SCN3A: variants seen among roughly 807,000 people sequenced by gnomAD.
The protein encoded by SCN3A is sodium voltage-gated channel alpha subunit 3.
SCN3A carries 60 observed loss-of-function variants against 187.6 expected under a neutral mutation model. That is an observed-to-expected ratio of 0.32 (90% CI 0.26 to 0.40). SCN3A has a LOEUF of 0.40. Among genes scored for constraint, SCN3A ranks in the 10% least tolerant of loss-of-function variants. The pLI is 1.00. For synonymous variants in SCN3A, 788 were observed against 829.2 expected, an observed-to-expected ratio of 0.95 and a Z score of 0.85; for missense variants, 1,601 against 2,428.2, an observed-to-expected ratio of 0.66 and a Z score of 7.16.
In SCN3A at chr2:165,164,474, A is replaced by C. The variant is rs767399908; in HGVS notation, c.520T>G (p.Leu174Val). 4 of 1,613,780 alleles carry C rather than the reference A, an allele frequency of 2.5e-6. No homozygotes were observed. The South Asian group carries it at 3.3e-5, about 13-fold the overall frequency. Residue 174 changes from leucine to valine, a missense_variant, in exon 6 of 28, where the codon TTG becomes GTG. Physicochemically the swap from Leu to Val is conservative, Grantham distance 32. This residue lies in a region of SCN3A where 122 missense variants were observed against 225.1 expected (regional missense o/e 0.54). Coordinates refer to ENST00000283254, the MANE Select transcript of SCN3A (RefSeq NM_006922.4). ...TCTTCTAAGCAAAACCCTCTTGCCA[A>C]GATTTTTATAAGTGACTCAAAGGTA... ...IYTFESLIKI[L>V]ARGFCLEDFT... is the part of the protein sequence containing the mutation.
chr2:165,142,765 T>TTGC (rs757399673), intron 12 of SCN3A, among the ~76,000 whole-genome samples: 104 of 151,508 alleles, frequency 6.9e-4, no homozygotes, highest in African/African-American at 2.5e-3. Flanking sequence ...GTTGTTGTTG[T>TTGC]TTTGAGGCAG....
chr2:165,202,639 A>G (rs1170230994), intron 1 of SCN3A, among the ~76,000 whole-genome samples: 1 of 152,036 alleles, frequency 6.6e-6, no homozygotes, highest in African/African-American at 2.4e-5. Context: ...ATTTTTCAAC[A>G]TATCATTAGG....
In SCN3A at chr2:165,146,916, T is replaced by C. The variant is rs373403969; in HGVS notation, c.1494A>G (p.Glu498=). ...ASKLSSKSAK[E]WRNRRKKRRQ... ...TTCTTTTCTTCCTTCGGTTCCTCCA[T>C]TCTTTAGCACTTTTGGAACTCAACT... The change falls in exon 12 of 28, where the codon GAA becomes GAG. Residue 498 remains glutamate, a synonymous_variant. Transcript: ENST00000283254. 4.3e-6 allele frequency: 7 copies of C among 1,614,112 alleles called. No homozygotes were observed. The African/African-American group carries it at 9.3e-5, about 22-fold the overall frequency.
rs943934294 is a variant in SCN3A at position 165,139,577 on chromosome 2, C to T, written c.2051G>A (p.Arg684Lys). The change falls in exon 14 of 28, where the codon AGA becomes AAA. Residue 684 changes from arginine to lysine, a missense_variant. Arg to Lys is a conservative substitution (Grantham distance 26). This residue lies in a region of SCN3A where 376 missense variants were observed against 476.0 expected (regional missense o/e 0.79). Coordinates refer to ENST00000283254, the MANE Select transcript of SCN3A (RefSeq NM_006922.4). ...TGAAATCTGGTAAGAGCTTAACCTT[C>T]TCTTTCTGACTTCCGTTTCTGTGGT... The part of the protein sequence containing the change: ...GTTTETEVRK[R>K]RLSSYQISME... 2.5e-6 allele frequency: 4 copies of T among 1,613,908 alleles called. No individual in the cohort carries two copies.
At chr2:165,188,804 CAAAAAAAAAAAA>C (rs763003775) in intron 1 of SCN3A, among the ~76,000 whole-genome samples, 3 of 72,546 alleles carry the variant, frequency 4.1e-5, no homozygotes, top group Admixed American at 1.5e-4. Context: ...CGCCCCACTT[CAAAAAAAAAAAA>C]AAAAAAAAAA....
intron 1 of SCN3A, among the ~76,000 whole-genome samples, chr2:165,202,591 A>G (rs929709888): frequency 6.6e-6 from 1 of 152,014 alleles, no homozygotes; most frequent in Non-Finnish European, 1.5e-5. Flanking sequence ...GGGGACTATT[A>G]TTGCTACTCA....
intron 10 of SCN3A, among the ~76,000 whole-genome samples, chr2:165,155,382 T>G: frequency 6.6e-6 from 1 of 151,976 alleles, no homozygotes; most frequent in East Asian, 1.9e-4. Context: ...TTCCCTTTCC[T>G]TTTCCCATTC....
At chr2:165,196,492 CTT>C (rs1691972043) in intron 1 of SCN3A, among the ~76,000 whole-genome samples, 1 of 152,064 alleles carries the variant, frequency 6.6e-6, no homozygotes, top group Non-Finnish European at 1.5e-5. Context: ...AGGGAAAAGA[CTT>C]TAGGATATAA....
At chr2:165,163,282 A>T (rs1689522560) in intron 7 of SCN3A, among the ~76,000 whole-genome samples, 1 of 152,136 alleles carries the variant, frequency 6.6e-6, no homozygotes, top group African/African-American at 2.4e-5. Flanking sequence ...TTGTAAAAGG[A>T]GATCCATTTT....
intron 15 of SCN3A, among the ~76,000 whole-genome samples, chr2:165,137,425 A>G (rs989333133): frequency 2.6e-5 from 4 of 152,092 alleles, no homozygotes; most frequent in African/African-American, 9.7e-5. Context: ...TTTTTCTTGT[A>G]TGATTATCAC....
intron 10 of SCN3A, 146 bp from the exon 11 acceptor site, chr2:165,154,804 G>T: frequency 1.4e-6 from 1 of 730,334 alleles, no homozygotes. Context: ...GTATTGATAT[G>T]CTCAACACAC....
chr2:165,175,992 TA>T, intron 3 of SCN3A, 138 bp downstream of exon 3: 1 of 747,822 alleles, frequency 1.3e-6, no homozygotes, highest in Non-Finnish European at 2.1e-6. Flanking sequence ...TATATTGTGA[TA>T]AAAATAAGTG....
Position 165,176,081 on chromosome 2 carries a change from A to G in SCN3A, c.264+50T>C, listed in dbSNP as rs374648741. The G allele has an allele frequency of 9.5e-6, 15 of 1,573,674 alleles. No homozygotes were observed. The African/African-American group carries it at 1.1e-4, about 11-fold the overall frequency. ...TATAAGGCCCAGAAAAGTATATTAC[A>G]GTTAAGAGTTTCATTAAAGATTTAT... On this transcript the variant is annotated intron_variant, in intron 3 of 27. Coordinates refer to ENST00000283254, the MANE Select transcript of SCN3A (RefSeq NM_006922.4).
At chr2:165,131,183 T>C in intron 16 of SCN3A, 61 bp downstream of exon 16, 1 of 1,063,874 alleles carries the variant, frequency 9.4e-7, no homozygotes, top group Non-Finnish European at 1.3e-6. Context: ...AAATATACAT[T>C]GATTCAATTT....
chr2:165,111,228 G>T (rs557355037), intron 21 of SCN3A, among the ~76,000 whole-genome samples: 1 of 152,046 alleles, frequency 6.6e-6, no homozygotes, highest in Non-Finnish European at 1.5e-5. Flanking sequence ...CCAGCTACTC[G>T]AGAGGCTGAG....
At chr2:165,093,096 GATAAT>G (rs1420884763) in intron 26 of SCN3A, 4 of 152,690 alleles carry the variant, frequency 2.6e-5, no homozygotes, top group African/African-American at 9.7e-5. Context: ...ACAATTGGCT[GATAAT>G]ATATGTAGTC....
intron 15 of SCN3A, among the ~76,000 whole-genome samples, chr2:165,132,843 C>T (rs186044537): frequency 2.6e-5 from 4 of 152,098 alleles, no homozygotes; most frequent in Admixed American, 2.6e-4. Context: ...AGTGAACAGG[C>T]AACCTACAAA....
chr2:165,127,681 A>T lies in SCN3A; in HGVS notation c.3343T>A (p.Leu1115Ile), dbSNP rs761099837. 3 of 1,614,152 alleles carry T rather than the reference A, an allele frequency of 1.9e-6. No individual in the cohort carries two copies. The highest frequency in any genetic ancestry group is 1.7e-4 in the Middle Eastern group (1 of 6,056). ...TCACTGCTGAACTCTTCAGTATTTA[A>T]GTTTTCAAAGTCAGACTCTCCAACA... Reference protein sequence around the residue: ...IAVGESDFENLNTEEFSSESE... With the variant: ...IAVGESDFENINTEEFSSESE... Residue 1115 changes from leucine to isoleucine, a missense_variant, in exon 18 of 28, where the codon TTA (leucine) becomes ATA (isoleucine). Transcript: ENST00000283254.
chr2:165,145,921 C>CA (rs1688289890), intron 12 of SCN3A, among the ~76,000 whole-genome samples: 1 of 152,050 alleles, frequency 6.6e-6, no homozygotes, highest in Non-Finnish European at 1.5e-5. Context: ...ACTAATTATT[C>CA]TTTACATCAG....
Sources: gnomAD v4.1 joint callset for allele counts (sites outside exome capture counted in the v4.1 genomes callset) on GRCh38, gnomAD v4.1.1 for gene constraint, gnomAD v4.1.1 regional missense constraint, MANE v1.5 for transcripts, NCBI Gene and HGNC (gene_info 2026-07-23, HGNC 2026-07-21) for gene names.